Variants in VSTM2B observed in about 807,000 individuals in gnomAD.
VSTM2B encodes V-set and transmembrane domain-containing protein 2B.
VSTM2B carries 24 observed loss-of-function variants against 24.0 expected under a neutral mutation model. The observed-to-expected ratio is 1.00, with a 90% CI of 0.72 to 1.40. VSTM2B has a LOEUF of 1.40. VSTM2B is among the 40% of genes most tolerant of loss of function. VSTM2B has a pLI of 0.00. For missense variants in VSTM2B, 399 were observed against 416.4 expected, an observed-to-expected ratio of 0.96 and a Z score of 0.36; for synonymous variants, 226 against 194.4, an observed-to-expected ratio of 1.16 and a Z score of -1.35.
At chr19:29,553,095 C>T (rs549127180) in intron 4 of VSTM2B, among the ~76,000 whole-genome samples, 2 of 152,188 alleles carry the variant, frequency 1.3e-5, no homozygotes, top group African/African-American at 4.8e-5. Flanking sequence ...CATAGCACAC[C>T]CCCTCTGCCA....
chr19:29,548,147 G>A (rs1009977338), intron 4 of VSTM2B, among the ~76,000 whole-genome samples: 1 of 152,058 alleles, frequency 6.6e-6, no homozygotes, highest in African/African-American at 2.4e-5. Flanking sequence ...CGGGGAACAG[G>A]CAGTCCAGCC....
intron 4 of VSTM2B, 52 bp from the exon 5 acceptor site, chr19:29,563,794 T>C (rs1970586545): frequency 3.3e-6 from 5 of 1,501,616 alleles, no homozygotes; most frequent in Non-Finnish European, 4.5e-6. Flanking sequence ...TGTGAGCTCC[T>C]AGGTTCTTGA....
intron 4 of VSTM2B, among the ~76,000 whole-genome samples, chr19:29,553,938 C>A (rs1406397846): frequency 1.3e-5 from 2 of 152,104 alleles, no homozygotes; most frequent in Non-Finnish European, 1.5e-5. Flanking sequence ...AAGACCAAAC[C>A]TACAACTGAT....
At chr19:29,563,191 G>T (rs1970575031) in intron 4 of VSTM2B, among the ~76,000 whole-genome samples, 1 of 151,964 alleles carries the variant, frequency 6.6e-6, no homozygotes, top group Admixed American at 6.5e-5. Flanking sequence ...GACAAGCAGG[G>T]CCAGAAATGA....
At chr19:29,528,643 G>A (rs1187975429) in intron 3 of VSTM2B, among the ~76,000 whole-genome samples, 181 bp downstream of exon 3, 2 of 152,256 alleles carry the variant, frequency 1.3e-5, no homozygotes, top group Non-Finnish European at 2.9e-5. Context: ...GCCGGTTGCA[G>A]GGTCGGGTTC....
At chr19:29,528,297 G>A (rs1449642765) in intron 2 of VSTM2B, 136 bp from the exon 3 acceptor site, 4 of 1,063,330 alleles carry the variant, frequency 3.8e-6, no homozygotes, top group Non-Finnish European at 5.5e-6. Flanking sequence ...CGTCCTTTGT[G>A]CCCTCAACCC....
intron 4 of VSTM2B, among the ~76,000 whole-genome samples, chr19:29,561,667 G>GC (rs1970529361): frequency 1.3e-5 from 2 of 152,142 alleles, no homozygotes; most frequent in Admixed American, 1.3e-4. Context: ...GATCTGTGAG[G>GC]CCCATGGGAC....
chr19:29,554,620 A>C (rs10426523), intron 4 of VSTM2B, among the ~76,000 whole-genome samples: 8,590 of 152,252 alleles, frequency 0.056, 429 homozygotes, highest in African/African-American at 0.13. Flanking sequence ...AAGACATAGA[A>C]TGGCAGGCTG....
At chr19:29,560,970 T>C (rs1012899088) in intron 4 of VSTM2B, among the ~76,000 whole-genome samples, 1 of 152,180 alleles carries the variant, frequency 6.6e-6, no homozygotes, top group Non-Finnish European at 1.5e-5. Flanking sequence ...AGATTATTTC[T>C]GTCTCACCTG....
At chr19:29,559,592 C>A (rs1970483932) in intron 4 of VSTM2B, among the ~76,000 whole-genome samples, 1 of 152,142 alleles carries the variant, frequency 6.6e-6, no homozygotes, top group African/African-American at 2.4e-5. Flanking sequence ...ACATGTATCC[C>A]AGAACCTTAA....
At chr19:29,531,449 C>T (rs924587578) in intron 4 of VSTM2B, among the ~76,000 whole-genome samples, 4 of 152,222 alleles carry the variant, frequency 2.6e-5, no homozygotes, top group African/African-American at 7.2e-5. Flanking sequence ...CTGCAGAATC[C>T]GCTGGGGCAG....
At chr19:29,538,651 C>A (rs1260317618) in intron 4 of VSTM2B, among the ~76,000 whole-genome samples, 1 of 152,216 alleles carries the variant, frequency 6.6e-6, no homozygotes, top group African/African-American at 2.4e-5. Flanking sequence ...AAGGCACCAG[C>A]ATCTACTTGG....
At chr19:29,555,196 A>T (rs1033484817) in intron 4 of VSTM2B, among the ~76,000 whole-genome samples, 38 of 152,182 alleles carry the variant, frequency 2.5e-4, no homozygotes, top group African/African-American at 8.4e-4. Flanking sequence ...AAGAACTGAG[A>T]TCATAACATT....
At chr19:29,543,684 C>G (rs1275961361) in intron 4 of VSTM2B, among the ~76,000 whole-genome samples, 1 of 152,214 alleles carries the variant, frequency 6.6e-6, no homozygotes, top group Non-Finnish European at 1.5e-5. Context: ...TTTGCCTGAC[C>G]CAGGAGATCC....
At chr19:29,528,492 G>A in intron 3 of VSTM2B, 30 bp downstream of exon 3, 5 of 1,550,502 alleles carry the variant, frequency 3.2e-6, no homozygotes, top group Non-Finnish European at 4.4e-6. Flanking sequence ...CGGGCCGCGG[G>A]AGACCCCTTC....
intron 4 of VSTM2B, among the ~76,000 whole-genome samples, chr19:29,552,798 T>G (rs1970316601): frequency 6.6e-6 from 1 of 152,134 alleles, no homozygotes; most frequent in Non-Finnish European, 1.5e-5. Flanking sequence ...ACTAGGTGGT[T>G]TGGACCCAGG....
Position 29,563,991 on chromosome 19 carries a change from G to C in VSTM2B, c.*57G>C. On this transcript the variant is annotated 3_prime_UTR_variant, in exon 5 of 5. Transcript: ENST00000335523. ...CGCACATGACCTGCCCGGGGCCCTCGGTGAGGACCATGTCGCTGGATGGAC... is the reference window on the plus strand; with the variant it reads ...CGCACATGACCTGCCCGGGGCCCTCCGTGAGGACCATGTCGCTGGATGGAC... 5 of 1,392,486 alleles carry C rather than the reference G, an allele frequency of 3.6e-6. No homozygotes were observed. Among genetic ancestry groups the C allele is most frequent in the Non-Finnish European group, 5.0e-6 (5 of 1,002,264 alleles). 86.3% of individuals were successfully genotyped at this position (1,392,486 alleles called of 1,614,324 possible). A position where few individuals can be genotyped will look rare whatever the true frequency, so the allele number is the denominator to read the frequency against.
chr19:29,529,922 A>C lies in VSTM2B; in HGVS notation c.401A>C (p.Asp134Ala), dbSNP rs1339421506. The C allele has an allele frequency of 1.5e-5, 23 of 1,550,060 alleles. No homozygotes were observed. Among genetic ancestry groups the C allele is most frequent in the African/African-American group, 2.7e-5 (2 of 73,048 alleles). The change falls in exon 4 of 5, where the codon GAC (aspartate) becomes GCC (alanine). Residue 134 changes from aspartate to alanine, a missense_variant. By Grantham distance (126) the Asp-to-Ala change is moderately radical. Transcript: ENST00000335523. ...GAGTGCCGCGTGTCGGACTACAGCGACGACGACACGCAGGAGCACAAGGCC... is the reference window on the plus strand; with the variant it reads ...GAGTGCCGCGTGTCGGACTACAGCGCCGACGACACGCAGGAGCACAAGGCC... ...VYECRVSDYS[D>A]DDTQEHKAQA...
At chr19:29,546,265 T>C (rs1970152528) in intron 4 of VSTM2B, among the ~76,000 whole-genome samples, 1 of 152,148 alleles carries the variant, frequency 6.6e-6, no homozygotes, top group Admixed American at 6.5e-5. Context: ...CCCATTTACC[T>C]GGAGCTCAAG....
Sources: gnomAD v4.1 joint callset for allele counts (sites outside exome capture counted in the v4.1 genomes callset) on GRCh38, gnomAD v4.1.1 for gene constraint, MANE v1.5 for transcripts, NCBI Gene and HGNC (gene_info 2026-07-23, HGNC 2026-07-21) for gene names.